ANKRD1: variants seen among roughly 807,000 people sequenced by gnomAD.
The protein encoded by ANKRD1 is ankyrin repeat domain-containing protein 1.
In ANKRD1, 32 loss-of-function variants were observed where a neutral mutation model predicts 40.1. That is an observed-to-expected ratio of 0.80 (90% CI 0.60 to 1.07). The LOEUF is 1.07. Among genes scored for constraint, ANKRD1 ranks in the 50% least tolerant of loss-of-function variants. The pLI is 0.00. For synonymous variants in ANKRD1, 149 were observed against 141.2 expected, an observed-to-expected ratio of 1.06 and a Z score of -0.39; for missense variants, 359 against 386.0, an observed-to-expected ratio of 0.93 and a Z score of 0.59.
Position 90,915,794 on chromosome 10 carries a change from G to A in ANKRD1, c.738C>T (p.Asn246=), listed in dbSNP as rs1180182010. 4 of 1,613,788 alleles carry A rather than the reference G, an allele frequency of 2.5e-6. No homozygotes were observed. Among genetic ancestry groups the A allele is most frequent in the Non-Finnish European group, 3.4e-6 (4 of 1,179,960 alleles). Residue 246 remains asparagine (N), a synonymous_variant, in exon 7 of 9, where the codon AAC becomes AAT. Coordinates refer to ENST00000371697, the MANE Select transcript of ANKRD1 (RefSeq NM_014391.3). ...TCCAGCTACTCACTCTGTCTTTGGC[G>A]TTGAGGTCTGCCTCACAGGCGATAA... is the stretch of plus-strand genomic sequence containing the variant. The part of the protein sequence containing the change: ...EHLIACEADL[N]AKDREGDTPL...
chr10:90,920,685 T>TATTGTAAA (rs1847427182), intron 1 of ANKRD1, among the ~76,000 whole-genome samples: 1 of 152,242 alleles, frequency 6.6e-6, no homozygotes, highest in African/African-American at 2.4e-5. Flanking sequence ...AGTTTCGCCT[T>TATTGTAAA]ATTGTAAAGT....
At chr10:90,920,947 T>A (rs1847430738) in intron 1 of ANKRD1, 54 bp downstream of exon 1, 1 of 1,569,794 alleles carries the variant, frequency 6.4e-7, no homozygotes, top group East Asian at 2.2e-5. Context: ...AATTTTCAAA[T>A]AAAAACCAAG....
rs60406118 is a variant in ANKRD1, at chr10:90,918,991, A to AATATATAT, written c.346-27_346-20dup. ...GTTCCGTCTAAAGCCAAAATAAATA[A>AATATATAT]ATATATATATATATATATATATATA... is the stretch of plus-strand genomic sequence containing the variant. On this transcript the variant is annotated intron_variant, in intron 3 of 8. Transcript: ENST00000371697. The AATATATAT allele has an allele frequency of 7.2e-4, 194 of 269,154 alleles. 2 individuals are homozygous for AATATATAT. The highest frequency in any genetic ancestry group is 3.9e-3 in the African/African-American group (58 of 14,734). The allele number at this position is 269,154 out of a possible 1,614,324, so 16.7% of individuals were successfully genotyped here.
chr10:90,912,748 TA>T lies in ANKRD1; in HGVS notation c.*117del. 1 of 969,242 alleles carries T rather than the reference TA, an allele frequency of 1.0e-6. No individual in the cohort carries two copies. Among genetic ancestry groups the T allele is most frequent in the Non-Finnish European group, 1.7e-6 (1 of 597,860 alleles). The allele number at this position is 969,242 out of a possible 1,614,324, so 60.0% of individuals were successfully genotyped here. On this transcript the variant is annotated 3_prime_UTR_variant, in exon 9 of 9. Coordinates refer to ENST00000371697, the MANE Select transcript of ANKRD1 (RefSeq NM_014391.3). ...TGTGCTTTCTCAAAACTTCATTAGGTACATCTTCACAACACGTTGATAAATA... is the reference window on the plus strand; with the variant it reads ...TGTGCTTTCTCAAAACTTCATTAGGTCATCTTCACAACACGTTGATAAATA...
intron 7 of ANKRD1, 67 bp from the exon 8 acceptor site, chr10:90,915,708 C>A: frequency 6.2e-7 from 1 of 1,610,606 alleles, no homozygotes; most frequent in Admixed American, 1.7e-5. Flanking sequence ...GCAAGGGCAC[C>A]CAGGCTTGGG....
In ANKRD1 at chr10:90,912,787, T is replaced by A. The variant is rs889526713; in HGVS notation, c.*79A>T. The A allele has an allele frequency of 1.5e-6, 2 of 1,292,504 alleles. No individual in the cohort carries two copies. Among genetic ancestry groups the A allele is most frequent in the African/African-American group, 2.9e-5 (2 of 68,734 alleles). The allele number at this position is 1,292,504 out of a possible 1,614,324, so 80.1% of individuals were successfully genotyped here. A position where few individuals can be genotyped will look rare whatever the true frequency, so the allele number is the denominator to read the frequency against. On this transcript the variant is annotated 3_prime_UTR_variant, in exon 9 of 9. Coordinates refer to ENST00000371697, the MANE Select transcript of ANKRD1 (RefSeq NM_014391.3). ...ACGTTGATAAATAGAAACTAGATTTTATGGCTAGTGTCTCTTCTCTTGGGC... is the reference window on the plus strand; with the variant it reads ...ACGTTGATAAATAGAAACTAGATTTAATGGCTAGTGTCTCTTCTCTTGGGC...
intron 4 of ANKRD1, among the ~76,000 whole-genome samples, chr10:90,918,641 A>G (rs1313060374): frequency 6.6e-6 from 1 of 152,076 alleles, no homozygotes; most frequent in Non-Finnish European, 1.5e-5. Context: ...AATCAGCCAG[A>G]TGTATATGAG....
At chr10:90,915,480 T>A in intron 8 of ANKRD1, 63 bp downstream of exon 8, 1 of 1,455,412 alleles carries the variant, frequency 6.9e-7, no homozygotes, top group Non-Finnish European at 9.6e-7. Context: ...GTTTCACCTA[T>A]TTAAGAAATG....
chr10:90,915,741 C>A (rs774323886), intron 7 of ANKRD1, 41 bp downstream of exon 7: 1 of 1,612,824 alleles, frequency 6.2e-7, no homozygotes, highest in Non-Finnish European at 8.5e-7. Flanking sequence ...AATACAAAAG[C>A]AATGAAGCTT....
intron 5 of ANKRD1, among the ~76,000 whole-genome samples, chr10:90,916,489 A>G (rs1212729969): frequency 2.0e-5 from 3 of 152,108 alleles, no homozygotes; most frequent in Admixed American, 2.0e-4. Flanking sequence ...AATAAATCTA[A>G]TAATGTTTTA....
rs758173435 is a variant in ANKRD1, at chr10:90,918,821, A to T, written c.453+44T>A. ...GACTGGAGTAAAGCATAAGAAACATAAAATTAATGAGCTGGATTTTGCAGT... is the reference window on the plus strand; with the variant it reads ...GACTGGAGTAAAGCATAAGAAACATTAAATTAATGAGCTGGATTTTGCAGT... On this transcript the variant is annotated intron_variant, in intron 4 of 8. Transcript: ENST00000371697. The T allele has an allele frequency of 9.9e-5, 144 of 1,455,360 alleles. 1 individual carries two copies. Among genetic ancestry groups the T allele is most frequent in the Middle Eastern group, 1.7e-4 (1 of 5,744 alleles). 90.2% of individuals were successfully genotyped at this position (1,455,360 alleles called of 1,614,324 possible). A position where few individuals can be genotyped will look rare whatever the true frequency, so the allele number is the denominator to read the frequency against.
chr10:90,917,274 T>C (rs1029322024), intron 5 of ANKRD1, among the ~76,000 whole-genome samples: 1 of 152,238 alleles, frequency 6.6e-6, no homozygotes, highest in African/African-American at 2.4e-5. Flanking sequence ...AGCAGCTACT[T>C]TCCATAGATG....
chr10:90,919,300 G>T (rs1564574817), intron 2 of ANKRD1, 32 bp from the exon 3 acceptor site: 1 of 1,581,732 alleles, frequency 6.3e-7, no homozygotes. Context: ...CAAAAATATG[G>T]TGAGTTCTAC....
intron 4 of ANKRD1, among the ~76,000 whole-genome samples, chr10:90,918,319 T>A (rs1031256459): frequency 2.6e-5 from 4 of 152,180 alleles, no homozygotes; most frequent in Non-Finnish European, 5.9e-5. Flanking sequence ...TGATTTCTGA[T>A]AAATTGGCTT....
Position 90,915,774 on chromosome 10 carries a change from C to T in ANKRD1, c.750+8G>A, listed in dbSNP as rs1475343308. 3 of 1,613,854 alleles carry T rather than the reference C, an allele frequency of 1.9e-6. No homozygotes were observed. The highest frequency in any genetic ancestry group is 2.2e-5 in the South Asian group (2 of 91,064). On this transcript the variant is annotated splice_region_variant and intron_variant, in intron 7 of 8. Transcript: ENST00000371697. ...CTTTGGGAAACCCGAGCGTGTCCAGCTACTCACTCTGTCTTTGGCGTTGAG... is the reference window on the plus strand; with the variant it reads ...CTTTGGGAAACCCGAGCGTGTCCAGTTACTCACTCTGTCTTTGGCGTTGAG...
chr10:90,917,695 T>A (rs1035844351), intron 5 of ANKRD1, 37 bp downstream of exon 5: 2 of 1,578,490 alleles, frequency 1.3e-6, no homozygotes, highest in Non-Finnish European at 1.7e-6. Context: ...ATAGTCTACT[T>A]CTTTTGGCTC....
intron 4 of ANKRD1, among the ~76,000 whole-genome samples, chr10:90,918,563 A>G (rs905066047): frequency 2.0e-5 from 3 of 152,002 alleles, no homozygotes; most frequent in Admixed American, 1.3e-4. Context: ...TATATCTCTA[A>G]AGGTGACTTT....
Position 90,915,660 on chromosome 10 carries a change from C to T in ANKRD1, c.751-19G>A. On this transcript the variant is annotated intron_variant, in intron 7 of 8. Coordinates refer to ENST00000371697, the MANE Select transcript of ANKRD1 (RefSeq NM_014391.3). Reference sequence around the variant, plus strand: ...CTCCTTCCTAGAGAAGCAGAGTCAACAGGTTCAAGGTGGGTCTGAGGCCAG... The same window carrying T: ...CTCCTTCCTAGAGAAGCAGAGTCAATAGGTTCAAGGTGGGTCTGAGGCCAG... 6.2e-7 allele frequency: 1 copy of T among 1,612,674 alleles called. No individual in the cohort carries two copies. The highest frequency in any genetic ancestry group is 8.5e-7 in the Non-Finnish European group (1 of 1,179,092).
At chr10:90,915,435 T>A in intron 8 of ANKRD1, 108 bp downstream of exon 8, 1 of 960,996 alleles carries the variant, frequency 1.0e-6, no homozygotes, top group Non-Finnish European at 1.6e-6. Flanking sequence ...ATTTAGACCA[T>A]CGAAGACCCC....
Sources: allele counts gnomAD v4.1 joint callset (sites outside exome capture counted in the v4.1 genomes callset), GRCh38; gene constraint gnomAD v4.1.1; transcripts MANE v1.5; gene names NCBI Gene and HGNC (gene_info 2026-07-23, HGNC 2026-07-21).